ANKRD60: variants seen among roughly 807,000 people sequenced by gnomAD.
ANKRD60 encodes ankyrin repeat domain 60.
Under a neutral mutation model 21.3 loss-of-function variants are expected in ANKRD60, and 24 were observed. The ratio of observed to expected loss-of-function variants is 1.13; its 90% CI spans 0.82 to 1.59. ANKRD60 has a LOEUF of 1.59. Among genes scored for constraint, ANKRD60 ranks in the 40% most tolerant of loss-of-function variants. ANKRD60 has a pLI of 0.00. For missense variants in ANKRD60, 490 were observed against 466.7 expected (o/e 1.05, Z -0.46); for synonymous variants, 182 against 199.4 (o/e 0.91, Z 0.74).
At chr20:58,216,844 C>T (rs1240218826), downstream of ANKRD60, among the ~76,000 whole-genome samples, 3 of 152,234 alleles carry the variant, frequency 2.0e-5, no homozygotes, top group Admixed American at 1.3e-4. Context: ...TACTGCCACA[C>T]ATTTTGATTC....
At chr20:58,219,408 C>A (rs976264321) in intron 3 of ANKRD60, among the ~76,000 whole-genome samples, 18 of 152,132 alleles carry the variant, frequency 1.2e-4, no homozygotes, top group African/African-American at 4.1e-4. Flanking sequence ...TCATAAACTC[C>A]AGGAGGGCAG....
intron 1 of ANKRD60, among the ~76,000 whole-genome samples, chr20:58,223,930 C>T (rs1231222370): frequency 6.6e-6 from 1 of 152,080 alleles, no homozygotes; most frequent in African/African-American, 2.4e-5. Context: ...GGCAAAAACC[C>T]GTCTCTACAA....
intron 1 of ANKRD60, among the ~76,000 whole-genome samples, chr20:58,223,875 G>A (rs1042208740): frequency 5.9e-5 from 9 of 152,324 alleles, no homozygotes; most frequent in African/African-American, 2.2e-4. Flanking sequence ...AGGCTGAGGT[G>A]GGCAGACTTT....
intron 1 of ANKRD60, among the ~76,000 whole-genome samples, chr20:58,223,502 T>C (rs1984304079): frequency 6.6e-6 from 1 of 152,304 alleles, no homozygotes. Context: ...ACTCTACAAA[T>C]AGAATGACTT....
rs1344173541 is a variant in ANKRD60, at chr20:58,223,025, T to C, written c.561+27A>G. ...TTTACGGTTGCTTCGTAACGTATAATATCCATTTAAAGAAGCTTGAAAACA... is the reference window on the plus strand; with the variant it reads ...TTTACGGTTGCTTCGTAACGTATAACATCCATTTAAAGAAGCTTGAAAACA... On this transcript the variant is annotated intron_variant, in intron 2 of 3. Transcript: ENST00000457363. 4.5e-6 allele frequency: 7 copies of C among 1,539,884 alleles called. No individual in the cohort carries two copies. In the South Asian group the frequency reaches 8.5e-5, roughly 19 times the overall value.
chr20:58,221,640 C>G lies in ANKRD60; in HGVS notation c.562-137G>C, dbSNP rs1157193798. 1.0e-5 allele frequency: 10 copies of G among 997,478 alleles called. No homozygotes were observed. In the East Asian group the frequency reaches 2.7e-4, roughly 27 times the overall value. 61.8% of individuals were successfully genotyped at this position (997,478 alleles called of 1,614,324 possible). On this transcript the variant is annotated intron_variant, in intron 2 of 3. Coordinates refer to ENST00000457363, the Ensembl canonical transcript of ANKRD60. ...CATGATGGGAAAAGAGAGGTGCAAA[C>G]CCTCATGAAAAGCTGAGAAACACCC... is the stretch of plus-strand genomic sequence containing the variant.
chr20:58,226,917 G>A (rs1266237591), intron 1 of ANKRD60, among the ~76,000 whole-genome samples: 2 of 152,106 alleles, frequency 1.3e-5, no homozygotes, highest in African/African-American at 2.4e-5. Context: ...CAAATGGTTA[G>A]TTGGAGGCCG....
Position 58,228,234 on chromosome 20 carries a change from G to GTAC in ANKRD60, c.417_419dup (p.Gln139_Tyr140insTer). 6.5e-7 allele frequency: 1 copy of GTAC among 1,549,062 alleles called. No individual in the cohort carries two copies. The stretch of plus-strand genomic sequence containing the variant: ...CAGGGCAGGAGCCACCTTCGTCGAG[G>GTAC]TACTGGAGCCGCTGGAGGTTGAAGG... On this transcript the variant is annotated stop_gained, in exon 1 of 4. Transcript: ENST00000457363. LOFTEE classifies it high-confidence loss of function. The surrounding 1 kb of genome is among the most constrained non-coding windows in gnomAD (Gnocchi z 5.3).
intron 1 of ANKRD60, 101 bp from the exon 2 acceptor site, chr20:58,223,283 A>T: frequency 2.0e-6 from 2 of 1,008,454 alleles, no homozygotes; most frequent in East Asian, 2.7e-5. Context: ...TGCCACAAAG[A>T]TAATTTTAGA....
exon 2 of ANKRD60, chr20:58,223,064 C>G (rs1984294830): frequency 1.9e-6 from 3 of 1,549,634 alleles, no homozygotes; most frequent in Non-Finnish European, 2.6e-6. Flanking sequence ...TGCTGGGATC[C>G]CCTTCCACAG....
downstream of ANKRD60, chr20:58,218,353 G>T: frequency 2.4e-6 from 2 of 821,268 alleles, no homozygotes; most frequent in Non-Finnish European, 3.8e-6. Context: ...GAAATCATTT[G>T]CAAACAGGAC....
At chr20:58,227,240 C>A (rs544509825) in intron 1 of ANKRD60, among the ~76,000 whole-genome samples, 27 of 152,252 alleles carry the variant, frequency 1.8e-4, no homozygotes, top group African/African-American at 6.5e-4. Context: ...CAGCTTTGAC[C>A]TCTTTGCCTG....
At position 58,221,543 on chromosome 20, in the gene ANKRD60, G is replaced by A. The variant is rs755754831; in HGVS notation, c.562-40C>T. ...AGGAGTTTGAGTTATTCTCAAAAGCGTGGCTACATTTTGCTGGACGGCTGA... is the reference window on the plus strand; with the variant it reads ...AGGAGTTTGAGTTATTCTCAAAAGCATGGCTACATTTTGCTGGACGGCTGA... On this transcript the variant is annotated intron_variant, in intron 2 of 3. Coordinates refer to ENST00000457363, the Ensembl canonical transcript of ANKRD60. 18 of 1,544,068 alleles carry A rather than the reference G, an allele frequency of 1.2e-5. No homozygotes were observed. The Middle Eastern group carries it at 5.0e-4, about 43-fold the overall frequency.
At chr20:58,221,206 C>A in intron 3 of ANKRD60, 132 bp downstream of exon 3, 2 of 996,514 alleles carry the variant, frequency 2.0e-6, no homozygotes, top group East Asian at 2.8e-5. Context: ...CCATGGGGAC[C>A]CTGACTGGTG....
chr20:58,216,901 T>C (rs1285448355), downstream of ANKRD60, among the ~76,000 whole-genome samples: 2 of 152,226 alleles, frequency 1.3e-5, no homozygotes, highest in Non-Finnish European at 2.9e-5. Flanking sequence ...AAATGGTCTG[T>C]GGGAGGTGGG....
downstream of ANKRD60, among the ~76,000 whole-genome samples, chr20:58,216,398 C>G (rs2282204): frequency 6.6e-6 from 1 of 152,066 alleles, no homozygotes; most frequent in Non-Finnish European, 1.5e-5. Context: ...CTCCAAACAA[C>G]GAAGGCAGCT....
At chr20:58,221,397 G>A (rs866444577) in exon 3 of ANKRD60, 33 of 1,552,202 alleles carry the variant, frequency 2.1e-5, no homozygotes, top group African/African-American at 1.6e-4. Context: ...CACATACAAC[G>A]CCACAAACGC....
chr20:58,228,613 G>GCCGCCGC lies in ANKRD60; in HGVS notation c.34_40dup (p.Ala14GlyfsTer68), dbSNP rs1009963882. 14 of 925,216 alleles carry GCCGCCGC rather than the reference G, an allele frequency of 1.5e-5. No homozygotes were observed. Among genetic ancestry groups the GCCGCCGC allele is most frequent in the African/African-American group, 2.1e-5 (1 of 47,366 alleles). The allele number at this position is 925,216 out of a possible 1,614,324, so 57.3% of individuals were successfully genotyped here. Reference sequence around the variant, plus strand: ...CGCCGCCCGCGCTCCGCCCGCCCCCGCCGCCGCCCGCCGCATCCCCCAGGC... The same window carrying GCCGCCGC: ...CGCCGCCCGCGCTCCGCCCGCCCCCGCCGCCGCCCGCCGCCCGCCGCATCCCCCAGGC... On this transcript the variant is annotated frameshift_variant, in exon 1 of 4. Transcript: ENST00000457363. LOFTEE classifies it high-confidence loss of function. The surrounding 1 kb of genome is among the most constrained non-coding windows in gnomAD (Gnocchi z 5.3).
intron 1 of ANKRD60, among the ~76,000 whole-genome samples, chr20:58,225,243 G>A (rs181822258): frequency 3.3e-4 from 51 of 152,244 alleles, no homozygotes; most frequent in South Asian, 1.5e-3. Flanking sequence ...TAATAGCCCC[G>A]CATAGCTCAT....
Sources: gnomAD v4.1 joint callset for allele counts (sites outside exome capture counted in the v4.1 genomes callset) on GRCh38, gnomAD v4.1.1 for gene constraint, Gnocchi (gnomAD v3.1) non-coding constraint, MANE v1.5 for transcripts, NCBI Gene and HGNC (gene_info 2026-07-23, HGNC 2026-07-21) for gene names.